Variants in LRBA observed in about 807,000 individuals in gnomAD.
The protein encoded by LRBA is lipopolysaccharide-responsive and beige-like anchor protein.
Under a neutral mutation model 330.0 loss-of-function variants are expected in LRBA, and 176 were observed. The observed-to-expected ratio is 0.53, with a 90% CI of 0.47 to 0.60. The LOEUF (loss-of-function observed/expected upper bound fraction) is 0.60. Among genes scored for constraint, LRBA ranks in the 20% least tolerant of loss-of-function variants. LRBA has a pLI of 0.00. For synonymous variants in LRBA, 1,230 were observed against 1,193.0 expected (o/e 1.03, Z -0.64); for missense variants, 3,259 against 3,444.8 (o/e 0.95, Z 1.35).
intron 2 of LRBA, among the ~76,000 whole-genome samples, chr4:150,947,594 G>A (rs1273110889): frequency 1.3e-5 from 2 of 151,938 alleles, no homozygotes; most frequent in East Asian, 3.9e-4. Flanking sequence ...ATAAAAGACC[G>A]AGTATTTTCT....
chr4:150,871,317 G>C, intron 19 of LRBA, 28 bp downstream of exon 19: 2 of 1,190,796 alleles, frequency 1.7e-6, no homozygotes, highest in Middle Eastern at 1.9e-4. Flanking sequence ...AAGAAATTTA[G>C]AGGAGTAAAT....
At chr4:150,917,082 G>A (rs1466563824) in intron 5 of LRBA, among the ~76,000 whole-genome samples, 1 of 151,802 alleles carries the variant, frequency 6.6e-6, no homozygotes, top group Non-Finnish European at 1.5e-5. Context: ...GAACCCAGGA[G>A]GCAGAGTTTG....
chr4:150,426,309 T>C (rs1223346452), intron 46 of LRBA, among the ~76,000 whole-genome samples: 2 of 151,950 alleles, frequency 1.3e-5, no homozygotes, highest in Admixed American at 6.6e-5. Context: ...ACCCCATAAA[T>C]ATTATGTGGT....
intron 2 of LRBA, among the ~76,000 whole-genome samples, chr4:150,946,328 T>C (rs77636934): frequency 0.018 from 2,730 of 152,214 alleles, 68 homozygotes; most frequent in African/African-American, 0.062. Flanking sequence ...ACAATAAATA[T>C]TGTTTACAAG....
At chr4:150,746,060 T>C (rs1732676598) in intron 35 of LRBA, among the ~76,000 whole-genome samples, 1 of 152,164 alleles carries the variant, frequency 6.6e-6, no homozygotes, top group Admixed American at 6.5e-5. Flanking sequence ...CCACCATGAG[T>C]AGTTTATGTT....
At chr4:150,635,056 T>C (rs567677985) in intron 37 of LRBA, among the ~76,000 whole-genome samples, 11 of 152,286 alleles carry the variant, frequency 7.2e-5, no homozygotes, top group Admixed American at 3.9e-4. Flanking sequence ...ATGGTAACAA[T>C]AGATAAAAGT....
chr4:150,504,008 C>T (rs534498996), intron 40 of LRBA, among the ~76,000 whole-genome samples: 6 of 152,030 alleles, frequency 3.9e-5, no homozygotes, highest in Admixed American at 6.6e-5. Context: ...GAAGACAAAA[C>T]GAATGACACG....
intron 40 of LRBA, among the ~76,000 whole-genome samples, chr4:150,541,799 C>G (rs1175579135): frequency 6.6e-6 from 1 of 152,094 alleles, no homozygotes; most frequent in Non-Finnish European, 1.5e-5. Flanking sequence ...CTCAAGTGAT[C>G]ATCCTGCCTC....
chr4:150,784,836 T>C (rs1000100301), intron 34 of LRBA, among the ~76,000 whole-genome samples: 3 of 152,110 alleles, frequency 2.0e-5, no homozygotes, highest in East Asian at 1.9e-4. Context: ...CCTCCACTCA[T>C]CGGAGTCATA....
chr4:150,757,910 G>A (rs1241366928), intron 35 of LRBA, among the ~76,000 whole-genome samples: 1 of 152,096 alleles, frequency 6.6e-6, no homozygotes, highest in Non-Finnish European at 1.5e-5. Context: ...AAAGAAGACA[G>A]TTTCTAACTA....
At chr4:150,319,443 A>G (rs999146112) in intron 50 of LRBA, among the ~76,000 whole-genome samples, 17 of 152,286 alleles carry the variant, frequency 1.1e-4, no homozygotes, top group African/African-American at 2.4e-4. Context: ...TTGATAGAAC[A>G]TATCACCAGC....
rs183956725 is a variant in LRBA at position 150,514,758 on chromosome 4, C to T, written c.6331-23723G>A. Among the ~76,000 whole-genome samples, 187 of 152,264 alleles carry T rather than the reference C, an allele frequency of 1.2e-3. 4 individuals carry two copies. Among genetic ancestry groups the T allele is most frequent in the African/African-American group, 4.4e-3 (181 of 41,558 alleles). On this transcript the variant is annotated intron_variant, in intron 40 of 56. Transcript: ENST00000651943. ...TCTGATCTTTCTACCTGCTTGCATT[C>T]GATCCGAAGTATATTAACTTATCCC...
chr4:150,340,312 G>A (rs1360039022), intron 48 of LRBA, among the ~76,000 whole-genome samples: 1 of 152,118 alleles, frequency 6.6e-6, no homozygotes, highest in Non-Finnish European at 1.5e-5. Flanking sequence ...TAAGTAAATA[G>A]TACATGAACA....
Position 150,325,904 on chromosome 4 carries a change from A to C in LRBA, c.7363-6T>G, listed in dbSNP as rs753993955. 6.3e-7 allele frequency: 1 copy of C among 1,578,098 alleles called. No homozygotes were observed. The highest frequency in any genetic ancestry group is 8.7e-7 in the Non-Finnish European group (1 of 1,147,914). The stretch of plus-strand genomic sequence containing the variant: ...CGGATTTGAGCTTCAACAGCCTGAA[A>C]AGGGCAGGGGCAAGTCTGAAGGTTA... On this transcript the variant is annotated splice_polypyrimidine_tract_variant and splice_region_variant and intron_variant, in intron 48 of 56. Coordinates refer to ENST00000651943, the MANE Select transcript of LRBA (RefSeq NM_001364905.1).
chr4:150,869,039 C>T (rs17027155), intron 20 of LRBA, among the ~76,000 whole-genome samples: 20,786 of 151,998 alleles, frequency 0.14, 2,043 homozygotes, highest in South Asian at 0.28. Flanking sequence ...TATGCACACA[C>T]AGTCTTTCAT....
intron 36 of LRBA, among the ~76,000 whole-genome samples, chr4:150,709,656 T>C (rs1256739679): frequency 6.6e-6 from 1 of 152,004 alleles, no homozygotes; most frequent in Non-Finnish European, 1.5e-5. Flanking sequence ...CAAGTCTCTA[T>C]GGATATGTTA....
At chr4:150,340,199 C>T (rs1024536385) in intron 48 of LRBA, among the ~76,000 whole-genome samples, 4 of 152,110 alleles carry the variant, frequency 2.6e-5, no homozygotes, top group Non-Finnish European at 5.9e-5. Flanking sequence ...TACCCAGTCT[C>T]GGGTATGTCC....
At chr4:150,663,742 G>GA (rs1158954175) in intron 37 of LRBA, among the ~76,000 whole-genome samples, 1 of 152,046 alleles carries the variant, frequency 6.6e-6, no homozygotes, top group Non-Finnish European at 1.5e-5. Context: ...AGTATACTGG[G>GA]AAAAAATAAA....
chr4:150,697,004 C>A (rs1159762452), intron 36 of LRBA, among the ~76,000 whole-genome samples: 3 of 146,622 alleles, frequency 2.0e-5, no homozygotes, highest in Non-Finnish European at 3.0e-5. Context: ...ACAGAAGAGA[C>A]CCTGCCTCAA....
Sources: allele counts gnomAD v4.1 joint callset (sites outside exome capture counted in the v4.1 genomes callset), GRCh38; gene constraint gnomAD v4.1.1; transcripts MANE v1.5; gene names NCBI Gene and HGNC (gene_info 2026-07-23, HGNC 2026-07-21).